Variants in ATRNL1 observed in about 807,000 individuals in gnomAD.
ATRNL1 encodes attractin like 1.
A neutral mutation model predicts 182.7 loss-of-function variants in ATRNL1; 95 were observed. The ratio of observed to expected loss-of-function variants is 0.52; its 90% CI spans 0.44 to 0.62. The LOEUF (loss-of-function observed/expected upper bound fraction) is 0.62. Among genes scored for constraint, ATRNL1 ranks in the 20% least tolerant of loss-of-function variants. The pLI, the probability that ATRNL1 is intolerant of heterozygous loss-of-function variation, is 0.00. For synonymous variants in ATRNL1, 576 were observed against 568.3 expected (o/e 1.01, Z -0.19); for missense variants, 1,471 against 1,679.5 (o/e 0.88, Z 2.17).
At chr10:115,816,153 A>C (rs1950159773) in intron 27 of ATRNL1, among the ~76,000 whole-genome samples, 1 of 152,176 alleles carries the variant, frequency 6.6e-6, no homozygotes, top group South Asian at 2.1e-4. Context: ...ATCACTGCAC[A>C]TCTAGCTCTA....
chr10:115,455,181 T>C lies in ATRNL1; in HGVS notation c.3323-6760T>C, dbSNP rs1212686489. ...TTTATCCTTCATTCTGTTAATGTAG[T>C]GTATCACATTTATTGATTTGTATAT... On this transcript the variant is annotated intron_variant, in intron 21 of 28. Coordinates refer to ENST00000355044, the MANE Select transcript of ATRNL1 (RefSeq NM_207303.4). 2.0e-5 allele frequency among the ~76,000 whole-genome samples: 3 copies of C among 152,180 alleles called. No individual in the cohort carries two copies. In the East Asian group the frequency reaches 5.8e-4, roughly 29 times the overall value.
chr10:115,444,945 G>T (rs994743706), intron 21 of ATRNL1, among the ~76,000 whole-genome samples: 1 of 151,098 alleles, frequency 6.6e-6, no homozygotes, highest in Admixed American at 6.6e-5. Context: ...TGGCCAGGCT[G>T]GTCTCGAACT....
intron 10 of ATRNL1, among the ~76,000 whole-genome samples, chr10:115,245,758 AT>A: frequency 6.6e-6 from 1 of 152,096 alleles, no homozygotes. Context: ...TCTGGAGGTT[AT>A]TTTATTAGTT....
intron 26 of ATRNL1, among the ~76,000 whole-genome samples, chr10:115,590,156 A>G (rs147934989): frequency 7.0e-4 from 107 of 152,342 alleles, no homozygotes; most frequent in Middle Eastern, 3.4e-3. Flanking sequence ...ATATACTGCC[A>G]TAGGCCACAG....
At chr10:115,864,704 CG>C (rs1167824103) in intron 28 of ATRNL1, among the ~76,000 whole-genome samples, 2 of 152,130 alleles carry the variant, frequency 1.3e-5, no homozygotes, top group African/African-American at 4.8e-5. Context: ...GAAAAGAGGC[CG>C]GGCGCGGTGG....
chr10:115,637,912 C>T (rs1858986876), intron 26 of ATRNL1, among the ~76,000 whole-genome samples: 1 of 151,932 alleles, frequency 6.6e-6, no homozygotes, highest in Non-Finnish European at 1.5e-5. Context: ...CATGAGCCAC[C>T]GCGCCCGGCT....
At chr10:115,614,066 T>A (rs1315690420) in intron 26 of ATRNL1, among the ~76,000 whole-genome samples, 1 of 151,970 alleles carries the variant, frequency 6.6e-6, no homozygotes, top group Non-Finnish European at 1.5e-5. Flanking sequence ...TTATACTAAT[T>A]TTCTGTTTGG....
At chr10:115,192,755 T>C (rs958762303) in intron 8 of ATRNL1, among the ~76,000 whole-genome samples, 33 of 152,098 alleles carry the variant, frequency 2.2e-4, no homozygotes, top group African/African-American at 7.7e-4. Context: ...ATCAGTGTCT[T>C]ATAATTTCAA....
chr10:115,597,950 T>C (rs1555014708), intron 26 of ATRNL1: 1 of 166,862 alleles, frequency 6.0e-6, no homozygotes, highest in African/African-American at 2.4e-5. Flanking sequence ...TAGATTATTT[T>C]TGGCCTAAAC....
At position 115,847,282 on chromosome 10, in the gene ATRNL1, A is replaced by G. The variant is rs1950950973; in HGVS notation, c.3904-595A>G. Among the ~76,000 whole-genome samples the G allele has an allele frequency of 2.0e-5, 3 of 152,136 alleles. No homozygotes were observed. The South Asian group carries it at 6.2e-4, about 32-fold the overall frequency. On this transcript the variant is annotated intron_variant, in intron 27 of 28. Transcript: ENST00000355044. ...GCACTTATGTAGGATGAATAAGTCT[A>G]TAGATCTAATGTAAGCAGGAGGACT...
At chr10:115,188,571 T>C (rs1230638546) in intron 8 of ATRNL1, among the ~76,000 whole-genome samples, 1 of 152,186 alleles carries the variant, frequency 6.6e-6, no homozygotes, top group African/African-American at 2.4e-5. Context: ...TTTAGTATTT[T>C]TCATGCTTTA....
At chr10:115,869,019 C>T (rs1589626871) in intron 28 of ATRNL1, among the ~76,000 whole-genome samples, 2 of 151,682 alleles carry the variant, frequency 1.3e-5, no homozygotes, top group African/African-American at 4.8e-5. Flanking sequence ...TTAGTAGAGA[C>T]GGGGTTTCAC....
At chr10:115,600,607 TTATATAA>T (rs1856539412) in intron 26 of ATRNL1, among the ~76,000 whole-genome samples, 1 of 152,156 alleles carries the variant, frequency 6.6e-6, no homozygotes, top group Non-Finnish European at 1.5e-5. Context: ...TAAACGGTTC[TTATATAA>T]TATGTTCTGG....
Position 115,334,471 on chromosome 10 carries a change from T to C in ATRNL1, c.3175+52T>C. ...TGTATTTTTACTAAGGAAAAGATAATTAAGAAAGCAGCGCCTGTTGTGGAG... is the reference window on the plus strand; with the variant it reads ...TGTATTTTTACTAAGGAAAAGATAACTAAGAAAGCAGCGCCTGTTGTGGAG... On this transcript the variant is annotated intron_variant, in intron 19 of 28. Coordinates refer to ENST00000355044, the MANE Select transcript of ATRNL1 (RefSeq NM_207303.4). The C allele has an allele frequency of 3.6e-6, 5 of 1,394,652 alleles. No homozygotes were observed. In the South Asian group the frequency reaches 6.8e-5, roughly 19 times the overall value. The allele number at this position is 1,394,652 out of a possible 1,614,324, so 86.4% of individuals were successfully genotyped here.
chr10:115,687,603 G>C (rs1255157034), intron 26 of ATRNL1, among the ~76,000 whole-genome samples: 2 of 151,996 alleles, frequency 1.3e-5, no homozygotes, highest in Non-Finnish European at 2.9e-5. Context: ...ACCTCTTTGA[G>C]ATATTAATTT....
chr10:115,424,794 A>G (rs938937627), intron 20 of ATRNL1, among the ~76,000 whole-genome samples: 2 of 152,098 alleles, frequency 1.3e-5, no homozygotes, highest in Admixed American at 1.3e-4. Context: ...GAGGATTTTG[A>G]AAGGCTTGGG....
chr10:115,944,255 T>TTTTTTTTTTTTTTTTTTTTTTGAGACGG (rs1555124893), intron 28 of ATRNL1, among the ~76,000 whole-genome samples: 1 of 138,028 alleles, frequency 7.2e-6, no homozygotes, highest in African/African-American at 2.7e-5. Context: ...GAAATGTTTT[T>TTTTTTTTTTTTTTTTTTTTTTGAGACGG]AAAAATCTTA....
intron 9 of ATRNL1, among the ~76,000 whole-genome samples, chr10:115,235,663 A>G (rs950147325): frequency 5.3e-5 from 8 of 152,104 alleles, no homozygotes; most frequent in Non-Finnish European, 1.2e-4. Flanking sequence ...GGTTGTTTTC[A>G]CTTTTGACTA....
chr10:115,510,745 G>T (rs527617117), intron 24 of ATRNL1, among the ~76,000 whole-genome samples: 2 of 152,020 alleles, frequency 1.3e-5, no homozygotes, highest in East Asian at 3.9e-4. Context: ...CAGTGTTAAT[G>T]CTATTAGCAG....
Sources: gnomAD v4.1 joint callset for allele counts (sites outside exome capture counted in the v4.1 genomes callset) on GRCh38, gnomAD v4.1.1 for gene constraint, MANE v1.5 for transcripts, NCBI Gene and HGNC (gene_info 2026-07-23, HGNC 2026-07-21) for gene names.